Variants in ZMAT5 observed in about 807,000 individuals in gnomAD.
The protein encoded by ZMAT5 is zinc finger matrin-type protein 5.
A neutral mutation model predicts 28.0 loss-of-function variants in ZMAT5; 23 were observed. The observed-to-expected ratio is 0.82, with a 90% CI of 0.59 to 1.16. ZMAT5 has a LOEUF of 1.16. Among genes scored for constraint, ZMAT5 ranks in the 50% most tolerant of loss-of-function variants. The probability of loss-of-function intolerance (pLI) is 0.00; values close to 1 mark genes in which losing one functional copy is unlikely to be tolerated. For synonymous variants in ZMAT5, 76 were observed against 84.1 expected (o/e 0.90, Z 0.52); for missense variants, 173 against 212.7 (o/e 0.81, Z 1.16).
intron 2 of ZMAT5, among the ~76,000 whole-genome samples, chr22:29,744,382 C>T (rs1031929820): frequency 4.5e-4 from 1 of 2,240 alleles, no homozygotes; most frequent in African/African-American, 2.3e-3. Context: ...GAGGCGGGGG[C>T]GGGCGGGGGG....
intron 3 of ZMAT5, 74 bp from the exon 4 acceptor site, chr22:29,740,804 G>A: frequency 7.2e-7 from 1 of 1,384,450 alleles, no homozygotes; most frequent in South Asian, 1.2e-5. Flanking sequence ...CCCAGATGAG[G>A]GATCCCAGAA....
At chr22:29,751,975 A>G (rs1328328020) in intron 1 of ZMAT5, among the ~76,000 whole-genome samples, 1 of 152,142 alleles carries the variant, frequency 6.6e-6, no homozygotes, top group East Asian at 1.9e-4. Flanking sequence ...CAAAAAAAAA[A>G]AGTCTCCTTC....
intron 1 of ZMAT5, among the ~76,000 whole-genome samples, chr22:29,754,110 G>A (rs2068078471): frequency 6.6e-6 from 1 of 152,142 alleles, no homozygotes. Flanking sequence ...AGGGACAGGG[G>A]AGGAAGGGGA....
intron 1 of ZMAT5, among the ~76,000 whole-genome samples, chr22:29,756,402 G>C (rs971935800): frequency 6.6e-6 from 1 of 152,174 alleles, no homozygotes; most frequent in Admixed American, 6.6e-5. Context: ...CCGTATGCTA[G>C]AGGCATCCTT....
In ZMAT5 at chr22:29,731,415, C is replaced by T. The variant is rs185879521; in HGVS notation, c.384-61G>A. On this transcript the variant is annotated intron_variant, in intron 5 of 5. Coordinates refer to ENST00000344318, the MANE Select transcript of ZMAT5 (RefSeq NM_001003692.2). The stretch of plus-strand genomic sequence containing the variant: ...GCACTACAGCCCAGGCTTATGCCAC[C>T]CCCAGCCCACCTGCCTCACCACCCT... 688 of 1,510,276 alleles carry T rather than the reference C, an allele frequency of 4.6e-4. 2 individuals are homozygous for T. The African/African-American group carries it at 9.5e-3, about 21-fold the overall frequency. The allele number at this position is 1,510,276 out of a possible 1,614,324, so 93.6% of individuals were successfully genotyped here.
chr22:29,734,970 G>A (rs1569334139), intron 5 of ZMAT5, among the ~76,000 whole-genome samples: 1 of 152,216 alleles, frequency 6.6e-6, no homozygotes, highest in Admixed American at 6.5e-5. Flanking sequence ...AGACCAGGGA[G>A]GGGCCGCTGG....
At chr22:29,765,940 G>A (rs2068206812) in intron 1 of ZMAT5, among the ~76,000 whole-genome samples, 1 of 152,126 alleles carries the variant, frequency 6.6e-6, no homozygotes, top group South Asian at 2.1e-4. Context: ...ACTCTCCATA[G>A]ACCAGCCAGG....
chr22:29,744,673 G>T lies in ZMAT5; in HGVS notation c.128-2193C>A, dbSNP rs971883513. On this transcript the variant is annotated intron_variant, in intron 2 of 5. Transcript: ENST00000344318. ...TGCCAGGTGGCTTGGGGTGGGAGAA[G>T]AATTCCAGGCTGCCCACGTCCGCTT... 2.6e-5 allele frequency among the ~76,000 whole-genome samples: 4 copies of T among 152,306 alleles called. No homozygotes were observed. The East Asian group carries it at 7.7e-4, about 29-fold the overall frequency.
At chr22:29,764,904 G>C (rs1363427269) in intron 1 of ZMAT5, among the ~76,000 whole-genome samples, 3 of 152,034 alleles carry the variant, frequency 2.0e-5, no homozygotes, top group Non-Finnish European at 4.4e-5. Flanking sequence ...CAAAACACTG[G>C]GATTATAGGT....
At chr22:29,734,834 GCCC>G (rs2067889393) in intron 5 of ZMAT5, among the ~76,000 whole-genome samples, 1 of 30,144 alleles carries the variant, frequency 3.3e-5, no homozygotes, top group Non-Finnish European at 7.9e-5. Flanking sequence ...CCCCGCCCCA[GCCC>G]CAGCCCCAGC....
chr22:29,765,358 G>A (rs1461104151), intron 1 of ZMAT5, among the ~76,000 whole-genome samples: 1 of 152,014 alleles, frequency 6.6e-6, no homozygotes, highest in African/African-American at 2.4e-5. Flanking sequence ...GGCAGAGGTT[G>A]CAGTGAGCCA....
chr22:29,740,553 T>C (rs558277200), intron 4 of ZMAT5, 97 bp downstream of exon 4: 1 of 1,308,308 alleles, frequency 7.6e-7, no homozygotes, highest in East Asian at 2.5e-5. Context: ...TTGCCAATGA[T>C]GGGGAGATAG....
intron 1 of ZMAT5, among the ~76,000 whole-genome samples, chr22:29,755,566 A>T (rs929068826): frequency 6.6e-6 from 1 of 152,114 alleles, no homozygotes; most frequent in Non-Finnish European, 1.5e-5. Context: ...CTTCGCTTTC[A>T]TTCCCTTATT....
chr22:29,750,026 G>A (rs2068042997), intron 1 of ZMAT5, among the ~76,000 whole-genome samples: 1 of 152,134 alleles, frequency 6.6e-6, no homozygotes, highest in South Asian at 2.1e-4. Flanking sequence ...CACCCTTCAT[G>A]CAATAAGTTA....
chr22:29,735,832 C>T (rs1211450830), intron 5 of ZMAT5, among the ~76,000 whole-genome samples: 2 of 152,208 alleles, frequency 1.3e-5, no homozygotes, highest in South Asian at 2.1e-4. Context: ...GTACCCTAGT[C>T]CCCCAAGTCT....
chr22:29,731,046 G>T lies in ZMAT5; in HGVS notation c.*179C>A. 3.7e-6 allele frequency: 2 copies of T among 537,846 alleles called. No individual in the cohort carries two copies. Among genetic ancestry groups the T allele is most frequent in the East Asian group, 3.2e-5 (1 of 31,554 alleles). The allele number at this position is 537,846 out of a possible 1,614,324, so 33.3% of individuals were successfully genotyped here. ...GGGCAGGTGGAGGAGAGTGAGGGGA[G>T]AGCTGCCCGGTGCAGACCCAGGACG... On this transcript the variant is annotated 3_prime_UTR_variant, in exon 6 of 6. Transcript: ENST00000344318.
intron 3 of ZMAT5, 86 bp downstream of exon 3, chr22:29,742,332 G>A (rs1601719600): frequency 7.8e-6 from 11 of 1,406,390 alleles, no homozygotes; most frequent in African/African-American, 2.8e-5. Context: ...GGCCCGGGTC[G>A]GGGAAGACAC....
intron 1 of ZMAT5, among the ~76,000 whole-genome samples, chr22:29,764,595 G>C (rs2068189573): frequency 6.6e-6 from 1 of 152,158 alleles, no homozygotes; most frequent in Non-Finnish European, 1.5e-5. Context: ...CCGCCTCCCA[G>C]GTTCAAGCGA....
Position 29,742,409 on chromosome 22 carries a change from G to A in ZMAT5, c.190+9C>T, listed in dbSNP as rs1453604754. 1 of 1,612,880 alleles carries A rather than the reference G, an allele frequency of 6.2e-7. No homozygotes were observed. ...CCCGCAGGGACCTGAGCTGTGCAGA[G>A]GACTTTACCTGTCAGTAGAAACTTC... On this transcript the variant is annotated intron_variant, in intron 3 of 5. Coordinates refer to ENST00000344318, the MANE Select transcript of ZMAT5 (RefSeq NM_001003692.2).
Sources: gnomAD v4.1 joint callset for allele counts (sites outside exome capture counted in the v4.1 genomes callset) on GRCh38, gnomAD v4.1.1 for gene constraint, MANE v1.5 for transcripts, NCBI Gene and HGNC (gene_info 2026-07-23, HGNC 2026-07-21) for gene names.